The following UBASH3B variants were observed in gnomAD, a reference collection of about 807,000 sequenced individuals.
UBASH3B encodes the protein ubiquitin associated and SH3 domain containing B.
In UBASH3B, 37 loss-of-function variants were observed where a neutral mutation model predicts 83.4. That is an observed-to-expected ratio of 0.44 (90% confidence interval 0.34 to 0.58). The LOEUF (loss-of-function observed/expected upper bound fraction) is 0.58, where lower values mean the gene tolerates loss of function less well. Ranked by LOEUF, UBASH3B falls within the 20% of genes least tolerant of loss-of-function variation. UBASH3B has a pLI of 0.01. For missense variants in UBASH3B, 657 were observed against 827.2 expected, an observed-to-expected ratio of 0.79 and a Z score of 2.52; for synonymous variants, 304 against 318.3, an observed-to-expected ratio of 0.96 and a Z score of 0.48.
chr11:122,779,640 G>C lies in UBASH3B; in HGVS notation c.546G>C (p.Ala182=). The part of the protein sequence containing the change: ...FIGLFVKEDS[A]EVLKKFAADF... ...GCCTCTTTGTAAAGGAAGACAGTGC[G>C]GAGGTCCTCAAGAAGTTTGCTGCTG... Residue 182 remains alanine, a synonymous_variant, in exon 4 of 14, where the codon GCG becomes GCC. Transcript: ENST00000284273. 2 of 1,614,174 alleles carry C rather than the reference G, an allele frequency of 1.2e-6. No individual in the cohort carries two copies. The highest frequency in any genetic ancestry group is 1.7e-6 in the Non-Finnish European group (2 of 1,180,036).
intron 1 of UBASH3B, among the ~76,000 whole-genome samples, chr11:122,775,234 C>A (rs1860712758): frequency 1.3e-5 from 2 of 152,220 alleles, no homozygotes; most frequent in African/African-American, 2.4e-5. Flanking sequence ...AGGCTAGATA[C>A]AAATCCAGAA....
chr11:122,699,574 TTTTCTTTCTTTCC>T (rs2135927419), intron 1 of UBASH3B, among the ~76,000 whole-genome samples: 1 of 108,818 alleles, frequency 9.2e-6, no homozygotes, highest in African/African-American at 4.7e-5. Context: ...TCTTTCTTTC[TTTTCTTTCTTTCC>T]TTTCTTTTTT....
At chr11:122,750,012 T>G (rs917653447) in intron 1 of UBASH3B, among the ~76,000 whole-genome samples, 3 of 152,228 alleles carry the variant, frequency 2.0e-5, no homozygotes, top group African/African-American at 7.2e-5. Context: ...GGATTACAGG[T>G]GTGAGCCACT....
chr11:122,760,357 T>C (rs1473326715), intron 1 of UBASH3B, among the ~76,000 whole-genome samples: 8 of 151,766 alleles, frequency 5.3e-5, no homozygotes, highest in Admixed American at 5.3e-4. Flanking sequence ...GAAAGTTTTT[T>C]TTTTTTTTGT....
At chr11:122,774,271 G>T in intron 1 of UBASH3B, 1 of 985,442 alleles carries the variant, frequency 1.0e-6, no homozygotes, top group Non-Finnish European at 1.2e-6. Context: ...CCTGTAAGTA[G>T]GCTTGCCTTT....
chr11:122,734,055 T>C (rs1860891967), intron 1 of UBASH3B, among the ~76,000 whole-genome samples: 1 of 152,106 alleles, frequency 6.6e-6, no homozygotes, highest in Admixed American at 6.6e-5. Context: ...CTCATTAATT[T>C]TTTGTGTTTT....
chr11:122,794,959 C>A, intron 7 of UBASH3B, 125 bp downstream of exon 7: 2 of 1,361,770 alleles, frequency 1.5e-6, no homozygotes, highest in Non-Finnish European at 2.0e-6. Context: ...GAAGAAAGTA[C>A]ACCAAATTAT....
intron 1 of UBASH3B, among the ~76,000 whole-genome samples, chr11:122,745,797 A>T (rs1170884045): frequency 6.6e-6 from 1 of 152,116 alleles, no homozygotes; most frequent in Non-Finnish European, 1.5e-5. Context: ...GCAAAATCCC[A>T]CTTATCTATC....
At chr11:122,744,444 G>A (rs528306125) in intron 1 of UBASH3B, among the ~76,000 whole-genome samples, 1 of 152,262 alleles carries the variant, frequency 6.6e-6, no homozygotes, top group East Asian at 1.9e-4. Context: ...GTGTGGCTGT[G>A]TGAGTGCCTA....
rs1453354324 is a variant in UBASH3B at position 122,732,485 on chromosome 11, TGTAA to T, written c.162-43731_162-43728del. On this transcript the variant is annotated intron_variant, in intron 1 of 13. Coordinates refer to ENST00000284273, the MANE Select transcript of UBASH3B (RefSeq NM_032873.5). ...ATACTCTTGCCCAGGCCCTGCACGT[TGTAA>T]GTCTCTGTTTCCTAATGGAGACACA... 3.3e-5 allele frequency among the ~76,000 whole-genome samples: 5 copies of T among 152,342 alleles called. No individual in the cohort carries two copies. The East Asian group carries it at 9.6e-4, about 29-fold the overall frequency.
intron 1 of UBASH3B, among the ~76,000 whole-genome samples, chr11:122,766,948 C>T (rs1860552265): frequency 6.6e-6 from 1 of 152,188 alleles, no homozygotes; most frequent in African/African-American, 2.4e-5. Flanking sequence ...CTGGGGGAGA[C>T]TCAGCTGTGG....
At chr11:122,715,070 C>A (rs1003652772) in intron 1 of UBASH3B, among the ~76,000 whole-genome samples, 1 of 152,144 alleles carries the variant, frequency 6.6e-6, no homozygotes, top group African/African-American at 2.4e-5. Flanking sequence ...CTCAGCCTCC[C>A]GCGTAGCTGG....
At chr11:122,657,908 G>A (rs1057419848) in intron 1 of UBASH3B, among the ~76,000 whole-genome samples, 1 of 152,152 alleles carries the variant, frequency 6.6e-6, no homozygotes, top group Non-Finnish European at 1.5e-5. Context: ...AACTGGAGGT[G>A]GGGCTGGGTG....
chr11:122,756,659 C>T (rs1861287744), intron 1 of UBASH3B, among the ~76,000 whole-genome samples: 1 of 152,148 alleles, frequency 6.6e-6, no homozygotes, highest in Non-Finnish European at 1.5e-5. Context: ...GAAGTTAGAC[C>T]TCAGGCAAGG....
chr11:122,742,224 A>C (rs1861037540), intron 1 of UBASH3B, among the ~76,000 whole-genome samples: 1 of 152,194 alleles, frequency 6.6e-6, no homozygotes, highest in African/African-American at 2.4e-5. Context: ...CCTTTTTAGA[A>C]AAGGGTGGGA....
chr11:122,699,531 CTCTTTCTTTCTTTCTTTCTTTCTT>C (rs60346108), intron 1 of UBASH3B, among the ~76,000 whole-genome samples: 1 of 107,866 alleles, frequency 9.3e-6, no homozygotes, highest in Non-Finnish European at 1.9e-5. Flanking sequence ...TTCTTTCTTT[CTCTTTCTTTCTTTCTTTCTTTCTT>C]TCTTTCTTTC....
At chr11:122,799,071 C>T (rs775457124) in intron 10 of UBASH3B, 37 bp downstream of exon 10, 3 of 1,547,232 alleles carry the variant, frequency 1.9e-6, no homozygotes, top group Middle Eastern at 1.7e-4. Context: ...AGTAGTCCAT[C>T]CCTCTCTTTC....
At position 122,707,079 on chromosome 11, in the gene UBASH3B, G is replaced by A. The variant is rs143825752; in HGVS notation, c.161+50869G>A. Among the ~76,000 whole-genome samples, 368 of 152,252 alleles carry A rather than the reference G, an allele frequency of 2.4e-3. 2 individuals carry two copies. Among genetic ancestry groups the A allele is most frequent in the African/African-American group, 8.6e-3 (357 of 41,550 alleles). ...TCCTTACTTTTATGAACTGATGGTG[G>A]TAATTGATCATGGGGATTTCAGATG... On this transcript the variant is annotated intron_variant, in intron 1 of 13. Coordinates refer to ENST00000284273, the MANE Select transcript of UBASH3B (RefSeq NM_032873.5).
intron 6 of UBASH3B, among the ~76,000 whole-genome samples, chr11:122,790,363 C>A (rs1283068652): frequency 1.3e-5 from 2 of 152,302 alleles, no homozygotes; most frequent in East Asian, 3.9e-4. Flanking sequence ...TCTGCTCCCA[C>A]CTCAGCCCAG....
Sources: allele counts gnomAD v4.1 joint callset (sites outside exome capture counted in the v4.1 genomes callset), GRCh38; gene constraint gnomAD v4.1.1; transcripts MANE v1.5; gene names NCBI Gene and HGNC (gene_info 2026-07-23, HGNC 2026-07-21).